TMEM167A: variants seen among roughly 807,000 people sequenced by gnomAD.
The protein encoded by TMEM167A is transmembrane protein 167A, also known as protein kish-A.
TMEM167A carries 8 observed loss-of-function variants against 11.6 expected under a neutral mutation model. That is an observed-to-expected ratio of 0.69 (90% CI 0.40 to 1.24). The LOEUF (loss-of-function observed/expected upper bound fraction) is 1.24, where lower values mean the gene tolerates loss of function less well. Ranked by LOEUF, TMEM167A falls within the 50% of genes most tolerant of loss-of-function variation. TMEM167A has a pLI of 0.01. For synonymous variants in TMEM167A, 22 were observed against 28.0 expected (o/e 0.79, Z 0.67); for missense variants, 62 against 87.0 (o/e 0.71, Z 1.14).
At chr5:83,063,012 C>A (rs1399723544) in intron 2 of TMEM167A, among the ~76,000 whole-genome samples, 1 of 151,604 alleles carries the variant, frequency 6.6e-6, no homozygotes, top group African/African-American at 2.4e-5. Flanking sequence ...AGCCTATCAA[C>A]CATCAATGTA....
chr5:83,074,362 G>T (rs1325916054), intron 1 of TMEM167A, among the ~76,000 whole-genome samples: 5 of 152,010 alleles, frequency 3.3e-5, no homozygotes, highest in African/African-American at 1.2e-4. Context: ...TTCTTTCTTG[G>T]GGACATCTCT....
At chr5:83,068,877 C>T (rs1430217517) in intron 1 of TMEM167A, among the ~76,000 whole-genome samples, 1 of 152,068 alleles carries the variant, frequency 6.6e-6, no homozygotes, top group African/African-American at 2.4e-5. Context: ...ATATAATGTT[C>T]AGGATTGGTT....
Position 83,061,907 on chromosome 5 carries a change from A to G in TMEM167A, c.118T>C (p.Leu40=). Residue 40 remains leucine (L), a synonymous_variant, in exon 3 of 4, where the codon TTG becomes CTG. Transcript: ENST00000502346. ...SLLDRNKTGL[L]GIFWKCARIG... Reference sequence around the variant, plus strand: ...CTGGCACACTTCCAAAATATACCCAACAATCTGCATAGAATAAAAAAAGAA... The same window carrying G: ...CTGGCACACTTCCAAAATATACCCAGCAATCTGCATAGAATAAAAAAAGAA... 1 of 1,612,784 alleles carries G rather than the reference A, an allele frequency of 6.2e-7. No individual in the cohort carries two copies.
chr5:83,068,413 A>G (rs1744514039), intron 1 of TMEM167A, among the ~76,000 whole-genome samples: 1 of 152,326 alleles, frequency 6.6e-6, no homozygotes, highest in African/African-American at 2.4e-5. Flanking sequence ...TATTTTATAC[A>G]TGAGACTGAG....
chr5:83,077,097 A>T (rs1744690004), intron 1 of TMEM167A, among the ~76,000 whole-genome samples: 1 of 152,226 alleles, frequency 6.6e-6, no homozygotes, highest in Non-Finnish European at 1.5e-5. Context: ...TCCTAAACAA[A>T]GTAGGAAAGC....
At chr5:83,058,764 T>C (rs1314919703) in intron 3 of TMEM167A, among the ~76,000 whole-genome samples, 1 of 152,124 alleles carries the variant, frequency 6.6e-6, no homozygotes, top group Non-Finnish European at 1.5e-5. Flanking sequence ...CATGTGGATT[T>C]AATTTTCCTG....
At chr5:83,057,586 T>C (rs1744350570) in intron 3 of TMEM167A, among the ~76,000 whole-genome samples, 1 of 152,042 alleles carries the variant, frequency 6.6e-6, no homozygotes, top group Admixed American at 6.6e-5. Context: ...TGGTAGCAAT[T>C]TGTGACACTT....
At position 83,054,534 on chromosome 5, in the gene TMEM167A, A is replaced by G. The variant is rs1224739429; in HGVS notation, c.*2550T>C. 1 of 151,968 alleles carries G rather than the reference A, an allele frequency of 6.6e-6. No individual in the cohort carries two copies. The highest frequency in any genetic ancestry group is 1.5e-5 in the Non-Finnish European group (1 of 67,922). The allele number at this position is 151,968 out of a possible 1,614,324, so 9.4% of individuals were successfully genotyped here. On this transcript the variant is annotated 3_prime_UTR_variant, in exon 4 of 4. Transcript: ENST00000502346. ...CCCTGTAACAACAGGTCTATATGATAGAGATATTCCATCTGAGCTGGAGGC... is the reference window on the plus strand; with the variant it reads ...CCCTGTAACAACAGGTCTATATGATGGAGATATTCCATCTGAGCTGGAGGC...
chr5:83,064,183 A>C (rs1056886386), intron 2 of TMEM167A: 1 of 507,776 alleles, frequency 2.0e-6, no homozygotes, highest in South Asian at 1.4e-5. Context: ...ATGTAAAAAT[A>C]GGCATGCTCT....
chr5:83,063,198 C>T (rs556706519), intron 2 of TMEM167A, among the ~76,000 whole-genome samples: 13 of 152,010 alleles, frequency 8.6e-5, no homozygotes, highest in African/African-American at 3.1e-4. Context: ...CCAAATTATG[C>T]TTAAATTAAA....
chr5:83,059,199 T>C (rs1744373434), intron 3 of TMEM167A, among the ~76,000 whole-genome samples: 1 of 150,906 alleles, frequency 6.6e-6, no homozygotes, highest in South Asian at 2.1e-4. Context: ...ACACTATTTA[T>C]ACTCAGACAT....
chr5:83,075,056 T>C (rs1744621184), intron 1 of TMEM167A, among the ~76,000 whole-genome samples: 1 of 152,028 alleles, frequency 6.6e-6, no homozygotes, highest in South Asian at 2.1e-4. Flanking sequence ...AGGCCCAGAC[T>C]CTTAATGGAG....
At chr5:83,057,272 G>C in intron 3 of TMEM167A, 118 bp from the exon 4 acceptor site, 1 of 833,888 alleles carries the variant, frequency 1.2e-6, no homozygotes, top group Non-Finnish European at 1.9e-6. Context: ...CGCACATTGG[G>C]GGTGGGGCAG....
intron 2 of TMEM167A, 131 bp downstream of exon 2, chr5:83,064,877 A>G: frequency 1.7e-6 from 1 of 593,298 alleles, no homozygotes; most frequent in South Asian, 2.5e-5. Flanking sequence ...TTTTAACAGG[A>G]AGAAAATGAA....
intron 3 of TMEM167A, among the ~76,000 whole-genome samples, chr5:83,057,576 T>C (rs1342640071): frequency 6.6e-6 from 1 of 152,064 alleles, no homozygotes; most frequent in Non-Finnish European, 1.5e-5. Context: ...TTTTCCTTAC[T>C]GGTAGCAATT....
intron 3 of TMEM167A, among the ~76,000 whole-genome samples, chr5:83,060,673 T>A (rs1051169032): frequency 2.6e-5 from 4 of 151,702 alleles, no homozygotes; most frequent in African/African-American, 9.7e-5. Context: ...CTACTAAAAA[T>A]ACAAAAAATT....
intron 1 of TMEM167A, among the ~76,000 whole-genome samples, chr5:83,075,149 G>C (rs186308248): frequency 9.9e-5 from 15 of 151,962 alleles, no homozygotes; most frequent in South Asian, 4.2e-4. Flanking sequence ...AGAAATGCAG[G>C]CAACACCTTA....
Position 83,057,075 on chromosome 5 carries a change from T to C in TMEM167A, c.*9A>G, listed in dbSNP as rs1037103886. On this transcript the variant is annotated 3_prime_UTR_variant, in exon 4 of 4. Coordinates refer to ENST00000502346, the MANE Select transcript of TMEM167A (RefSeq NM_174909.5). Reference sequence around the variant, plus strand: ...TCTGATGGCAACTACATTCTGGCATTTTCCCCAGCTACTGTATGAAGAGGA... The same window carrying C: ...TCTGATGGCAACTACATTCTGGCATCTTCCCCAGCTACTGTATGAAGAGGA... The C allele has an allele frequency of 2.5e-6, 4 of 1,610,542 alleles. No individual in the cohort carries two copies. The highest frequency in any genetic ancestry group is 2.7e-5 in the African/African-American group (2 of 74,780).
Position 83,057,129 on chromosome 5 carries a change from T to C in TMEM167A, c.174A>G (p.Ala58=). 6.2e-7 allele frequency: 1 copy of C among 1,612,308 alleles called. No homozygotes were observed. Residue 58 remains alanine, a synonymous_variant, in exon 4 of 4, where the codon GCA becomes GCG. Coordinates refer to ENST00000502346, the MANE Select transcript of TMEM167A (RefSeq NM_174909.5). The stretch of plus-strand genomic sequence containing the variant: ...TGAAGGCCATTACTATACAGCATAC[T>C]GCAACATAAGGACTCTTCCGTTCAC... ...RIGERKSPYV[A]VCCIVMAFSI...
Sources: gnomAD v4.1 joint callset for allele counts (sites outside exome capture counted in the v4.1 genomes callset) on GRCh38, gnomAD v4.1.1 for gene constraint, MANE v1.5 for transcripts, NCBI Gene and HGNC (gene_info 2026-07-23, HGNC 2026-07-21) for gene names.